Variants in GNE observed in about 807,000 individuals in gnomAD.
GNE encodes the protein glucosamine (UDP-N-acetyl)-2-epimerase/N-acetylmannosamine kinase, also known as bifunctional UDP-N-acetylglucosamine 2-epimerase/N-acetylmannosamine kinase.
GNE carries 41 observed loss-of-function variants against 61.8 expected under a neutral mutation model. The ratio of observed to expected loss-of-function variants is 0.66; its 90% CI spans 0.52 to 0.86. GNE has a LOEUF of 0.86. Ranked by LOEUF, GNE falls within the 40% of genes least tolerant of loss-of-function variation. The pLI is 0.00. For missense variants in GNE, 608 were observed against 909.1 expected (o/e 0.67, Z 4.26); for synonymous variants, 264 against 326.4 (o/e 0.81, Z 2.06).
At chr9:36,230,899 GT>G (rs1829114484) in intron 5 of GNE, among the ~76,000 whole-genome samples, 1 of 151,764 alleles carries the variant, frequency 6.6e-6, no homozygotes, top group Admixed American at 6.6e-5. Context: ...CCTGGCCTGG[GT>G]TTTAAATACT....
intron 3 of GNE, among the ~76,000 whole-genome samples, chr9:36,242,342 T>G (rs942243680): frequency 6.6e-6 from 1 of 152,086 alleles, no homozygotes; most frequent in East Asian, 1.9e-4. Flanking sequence ...CATAAAGAAC[T>G]GCTTAAATTG....
chr9:36,218,327 C>A lies in GNE; in HGVS notation c.1817-28G>T. The A allele has an allele frequency of 2.0e-6, 3 of 1,534,536 alleles. No homozygotes were observed. The South Asian group carries it at 3.4e-5, about 17-fold the overall frequency. ...GAACAGAGTGAGAAGGAAAAGCAGT[C>A]ACTAATGAGCTGTGGGGAGGCCAAG... On this transcript the variant is annotated intron_variant, in intron 10 of 11. Transcript: ENST00000642385. This position sits in a 1 kb window ranked among gnomAD's most constrained non-coding sequence, Gnocchi z 4.1.
rs549110453 is a variant in GNE at position 36,265,143 on chromosome 9, C to G, written c.51+11751G>C. 8 of 296,598 alleles carry G rather than the reference C, an allele frequency of 2.7e-5. 1 individual carries two copies. Among genetic ancestry groups the G allele is most frequent in the Middle Eastern group, 1.3e-3 (1 of 766 alleles). 18.4% of individuals were successfully genotyped at this position (296,598 alleles called of 1,614,324 possible). A position where few individuals can be genotyped will look rare whatever the true frequency, so the allele number is the denominator to read the frequency against. On this transcript the variant is annotated intron_variant, in intron 1 of 11. Transcript: ENST00000396594. ...GCTCCCGATCGGGCTGAAGGCTTGC[C>G]GTTGTTCCTGCACGGCAAGTGCCTG... is the stretch of plus-strand genomic sequence containing the variant.
At chr9:36,267,928 A>G (rs1830869804) in intron 1 of GNE, 1 of 152,088 alleles carries the variant, frequency 6.6e-6, no homozygotes, top group Non-Finnish European at 1.5e-5. Context: ...TGAGTCTAGG[A>G]GTTCGAGACC....
intron 1 of GNE, among the ~76,000 whole-genome samples, chr9:36,266,684 C>T (rs1179889908): frequency 6.6e-6 from 1 of 151,940 alleles, no homozygotes; most frequent in African/African-American, 2.4e-5. Context: ...CCGAGGCAGG[C>T]GGATCACAAG....
At chr9:36,272,620 CAAAAAAAAAAAAAA>C (rs58934783) in intron 1 of GNE, among the ~76,000 whole-genome samples, 1 of 74,094 alleles carries the variant, frequency 1.3e-5, no homozygotes, top group Non-Finnish European at 2.4e-5. Context: ...GACTCCGCCT[CAAAAAAAAAAAAAA>C]AAAAAAAAAA....
intron 3 of GNE, among the ~76,000 whole-genome samples, chr9:36,241,250 G>A (rs1829618913): frequency 2.0e-5 from 3 of 152,020 alleles, no homozygotes; most frequent in Admixed American, 2.0e-4. Flanking sequence ...TGAGTAGCTG[G>A]GACTACAGGC....
At chr9:36,255,143 C>T (rs1830279834) in intron 1 of GNE, among the ~76,000 whole-genome samples, 3 of 152,160 alleles carry the variant, frequency 2.0e-5, no homozygotes, top group Admixed American at 2.0e-4. Flanking sequence ...CCAGATGGAA[C>T]ATTTACTGTT....
At chr9:36,241,963 C>T (rs1253025204) in intron 3 of GNE, among the ~76,000 whole-genome samples, 1 of 151,854 alleles carries the variant, frequency 6.6e-6, no homozygotes, top group Non-Finnish European at 1.5e-5. Flanking sequence ...TGATGAAGCC[C>T]CATCTCTACT....
In GNE at chr9:36,232,754, A is replaced by T. The variant is rs1354082036; in HGVS notation, c.982+1166T>A. Among the ~76,000 whole-genome samples, 3 of 152,180 alleles carry T rather than the reference A, an allele frequency of 2.0e-5. No homozygotes were observed. In the East Asian group the frequency reaches 5.8e-4, roughly 29 times the overall value. Reference sequence around the variant, plus strand: ...ATATAGAATTCCTGATATTTTTCTTATTTCTTTTGTGTATGTCTATCATCT... The same window carrying T: ...ATATAGAATTCCTGATATTTTTCTTTTTTCTTTTGTGTATGTCTATCATCT... On this transcript the variant is annotated intron_variant, in intron 5 of 11. Coordinates refer to ENST00000642385, the MANE Select transcript of GNE (RefSeq NM_005476.7).
chr9:36,222,637 AG>A (rs1228920569), intron 9 of GNE, 139 bp downstream of exon 9: 4 of 775,118 alleles, frequency 5.2e-6, no homozygotes, highest in Non-Finnish European at 9.5e-6. Context: ...TGCTCAGAAA[AG>A]GCCACATGTG....
At chr9:36,266,650 C>T (rs992015767) in intron 1 of GNE, among the ~76,000 whole-genome samples, 3 of 152,190 alleles carry the variant, frequency 2.0e-5, no homozygotes, top group East Asian at 3.9e-4. Flanking sequence ...TGGCTCACGC[C>T]TGTAATCCCA....
intron 3 of GNE, among the ~76,000 whole-genome samples, chr9:36,244,889 G>A (rs1241342973): frequency 1.0e-4 from 15 of 149,780 alleles, no homozygotes; most frequent in Non-Finnish European, 1.8e-4. Context: ...GCAGTGAGCC[G>A]AGACTGAGCC....
At chr9:36,275,485 ATAACT>A (rs1244419143) in intron 1 of GNE, among the ~76,000 whole-genome samples, 1 of 152,204 alleles carries the variant, frequency 6.6e-6, no homozygotes, top group African/African-American at 2.4e-5. Context: ...AACTTGGAAG[ATAACT>A]TAAAGGCCAT....
At position 36,215,493 on chromosome 9, in the gene GNE, A is replaced by T. The variant is rs1255031847; in HGVS notation, c.*1872T>A. The T allele has an allele frequency of 6.6e-6, 1 of 152,226 alleles. No individual in the cohort carries two copies. Among genetic ancestry groups the T allele is most frequent in the African/African-American group, 2.4e-5 (1 of 41,470 alleles). The allele number at this position is 152,226 out of a possible 1,614,324, so 9.4% of individuals were successfully genotyped here. On this transcript the variant is annotated 3_prime_UTR_variant, in exon 12 of 12. Coordinates refer to ENST00000642385, the MANE Select transcript of GNE (RefSeq NM_005476.7). The stretch of plus-strand genomic sequence containing the variant: ...TGAATTAGAATATGTTAGCATTTTG[A>T]AAGTGTTTTTGAAATGAGAGGTTGT...
chr9:36,214,648 T>C lies in GNE; in HGVS notation c.*2717A>G, dbSNP rs1448627484. The C allele has an allele frequency of 6.6e-6, 1 of 152,228 alleles. No homozygotes were observed. The highest frequency in any genetic ancestry group is 1.5e-5 in the Non-Finnish European group (1 of 68,034). The allele number at this position is 152,228 out of a possible 1,614,324, so 9.4% of individuals were successfully genotyped here. A position where few individuals can be genotyped will look rare whatever the true frequency, so the allele number is the denominator to read the frequency against. ...CCTTTCAAATATTTGGTATGAAACT[T>C]GGTAGCAATGCAATTGTCTGATGTA... On this transcript the variant is annotated 3_prime_UTR_variant, in exon 12 of 12. Transcript: ENST00000642385.
chr9:36,246,494 G>C lies in GNE; in HGVS notation c.165-12C>G, dbSNP rs1228600814. Reference sequence around the variant, plus strand: ...TTCGATATGTATTTCTAAAGCCGGGGAGAAATAAAGATATAAGAACATGTT... The same window carrying C: ...TTCGATATGTATTTCTAAAGCCGGGCAGAAATAAAGATATAAGAACATGTT... On this transcript the variant is annotated splice_polypyrimidine_tract_variant and intron_variant, in intron 2 of 11. Coordinates refer to ENST00000642385, the MANE Select transcript of GNE (RefSeq NM_005476.7). 1.0e-5 allele frequency: 16 copies of C among 1,585,316 alleles called. No homozygotes were observed. Among genetic ancestry groups the C allele is most frequent in the Non-Finnish European group, 1.4e-5 (16 of 1,155,924 alleles).
At chr9:36,236,705 A>G (rs1178349327) in intron 4 of GNE, 127 bp downstream of exon 4, 5 of 837,446 alleles carry the variant, frequency 6.0e-6, no homozygotes, top group Non-Finnish European at 1.0e-5. Context: ...TGAAAATTGG[A>G]ATGCATTTCA....
intron 2 of GNE, among the ~76,000 whole-genome samples, chr9:36,248,618 C>T (rs1387626167): frequency 6.6e-6 from 1 of 152,102 alleles, no homozygotes; most frequent in Non-Finnish European, 1.5e-5. Flanking sequence ...GCCACCGTGC[C>T]CGGCCCAACT....
Sources: gnomAD v4.1 joint callset for allele counts (sites outside exome capture counted in the v4.1 genomes callset) on GRCh38, gnomAD v4.1.1 for gene constraint, Gnocchi (gnomAD v3.1) non-coding constraint, MANE v1.5 for transcripts, NCBI Gene and HGNC (gene_info 2026-07-23, HGNC 2026-07-21) for gene names.